PTPRK: variants seen among roughly 807,000 people sequenced by gnomAD.
The protein encoded by PTPRK is receptor-type tyrosine-protein phosphatase kappa.
In PTPRK, 75 loss-of-function variants were observed where a neutral mutation model predicts 178.0. That is an observed-to-expected ratio of 0.42 (90% confidence interval 0.35 to 0.51). PTPRK has a LOEUF of 0.51. PTPRK is among the 20% of genes least tolerant of loss of function. The probability of loss-of-function intolerance (pLI) is 0.02; values close to 1 mark genes in which losing one functional copy is unlikely to be tolerated. For missense variants in PTPRK, 1,441 were observed against 1,797.8 expected, an observed-to-expected ratio of 0.80 and a Z score of 3.59; for synonymous variants, 637 against 620.6, an observed-to-expected ratio of 1.03 and a Z score of -0.39.
intron 15 of PTPRK, among the ~76,000 whole-genome samples, chr6:128,004,701 G>A (rs78781281): frequency 4.6e-5 from 7 of 151,696 alleles, no homozygotes; most frequent in African/African-American, 1.4e-4. Flanking sequence ...TCCTCTTATC[G>A]CAAAAGAGAC....
chr6:128,134,479 G>A (rs1262504890), intron 7 of PTPRK, among the ~76,000 whole-genome samples: 1 of 152,132 alleles, frequency 6.6e-6, no homozygotes, highest in Non-Finnish European at 1.5e-5. Flanking sequence ...ATATTAGACT[G>A]GGTGTGCAGT....
At chr6:128,165,547 G>T (rs950629135) in intron 7 of PTPRK, among the ~76,000 whole-genome samples, 1 of 150,688 alleles carries the variant, frequency 6.6e-6, no homozygotes, top group East Asian at 1.9e-4. Flanking sequence ...CCATGGCTTC[G>T]CATTATTCCT....
At chr6:128,043,256 T>C (rs2114843609) in intron 13 of PTPRK, among the ~76,000 whole-genome samples, 1 of 152,152 alleles carries the variant, frequency 6.6e-6, no homozygotes. Flanking sequence ...TATGATCATT[T>C]TAACTGATGA....
chr6:128,060,672 C>G (rs1780655065), intron 13 of PTPRK, among the ~76,000 whole-genome samples: 1 of 152,100 alleles, frequency 6.6e-6, no homozygotes, highest in South Asian at 2.1e-4. Flanking sequence ...CTGAAGAAAA[C>G]TCATTTGAAT....
At chr6:128,264,401 T>C (rs2128294639) in intron 3 of PTPRK, among the ~76,000 whole-genome samples, 1 of 152,304 alleles carries the variant, frequency 6.6e-6, no homozygotes, top group African/African-American at 2.4e-5. Context: ...CAAAAAACTG[T>C]ACAGTGCTTT....
rs931776321 is a variant in PTPRK, at chr6:127,969,050, G to A, written c.*1177C>T. The A allele has an allele frequency of 6.6e-6, 1 of 152,198 alleles. No individual in the cohort carries two copies. The highest frequency in any genetic ancestry group is 1.5e-5 in the Non-Finnish European group (1 of 68,046). The allele number at this position is 152,198 out of a possible 1,614,324, so 9.4% of individuals were successfully genotyped here. On this transcript the variant is annotated 3_prime_UTR_variant, in exon 30 of 30. Coordinates refer to ENST00000368226, the MANE Select transcript of PTPRK (RefSeq NM_002844.4). Reference sequence around the variant, plus strand: ...TTTATAGTCAGAACGCAAAGCTTGTGCATGTAAACATCAAGAGAAACATTT... The same window carrying A: ...TTTATAGTCAGAACGCAAAGCTTGTACATGTAAACATCAAGAGAAACATTT...
chr6:128,346,495 T>C (rs887753814), intron 2 of PTPRK, among the ~76,000 whole-genome samples: 7 of 152,126 alleles, frequency 4.6e-5, no homozygotes, highest in Non-Finnish European at 1.0e-4. Context: ...AAAGTCCCAA[T>C]CTAAAATATT....
chr6:128,026,312 C>T (rs981530601), intron 13 of PTPRK, among the ~76,000 whole-genome samples: 7 of 152,158 alleles, frequency 4.6e-5, no homozygotes, highest in African/African-American at 9.7e-5. Flanking sequence ...AAAACTTTCT[C>T]CTATTTGTAT....
intron 7 of PTPRK, among the ~76,000 whole-genome samples, chr6:128,180,643 G>A (rs1437202142): frequency 2.0e-5 from 3 of 152,012 alleles, no homozygotes; most frequent in Non-Finnish European, 2.9e-5. Context: ...GATATTTTCA[G>A]AAAAGGATAA....
intron 7 of PTPRK, among the ~76,000 whole-genome samples, chr6:128,109,558 C>T (rs944770735): frequency 4.6e-5 from 7 of 152,104 alleles, no homozygotes; most frequent in African/African-American, 1.7e-4. Flanking sequence ...TAATGTGAAT[C>T]TCTTTGTGCT....
intron 5 of PTPRK, among the ~76,000 whole-genome samples, chr6:128,223,723 C>T (rs1810810537): frequency 6.6e-6 from 1 of 152,100 alleles, no homozygotes; most frequent in African/African-American, 2.4e-5. Context: ...GCTTCTCTCT[C>T]TTATGAACTT....
chr6:128,336,284 A>G (rs926487784), intron 2 of PTPRK, among the ~76,000 whole-genome samples: 4 of 152,086 alleles, frequency 2.6e-5, no homozygotes, highest in African/African-American at 9.7e-5. Flanking sequence ...CTTAAGGCTC[A>G]ATGGGTAAAC....
At chr6:128,217,424 A>C (rs1000621367) in intron 6 of PTPRK, among the ~76,000 whole-genome samples, 1 of 152,158 alleles carries the variant, frequency 6.6e-6, no homozygotes, top group African/African-American at 2.4e-5. Flanking sequence ...CAATAATGGT[A>C]ATGCGAGGGA....
chr6:128,021,508 C>T (rs1773505586), intron 13 of PTPRK, among the ~76,000 whole-genome samples: 1 of 152,068 alleles, frequency 6.6e-6, no homozygotes, highest in Non-Finnish European at 1.5e-5. Context: ...TGGTGGTGGG[C>T]GCCTGTAGTC....
chr6:128,045,195 T>C (rs1411713829), intron 13 of PTPRK, among the ~76,000 whole-genome samples: 1 of 152,078 alleles, frequency 6.6e-6, no homozygotes, highest in East Asian at 1.9e-4. Context: ...GTATACATAC[T>C]TATATTACAC....
intron 2 of PTPRK, among the ~76,000 whole-genome samples, chr6:128,366,472 T>A (rs1044757317): frequency 6.6e-6 from 1 of 152,116 alleles, no homozygotes; most frequent in Admixed American, 6.6e-5. Context: ...AACAAAAACA[T>A]CTCCATTTAC....
At chr6:128,206,535 C>T (rs1014251821) in intron 6 of PTPRK, among the ~76,000 whole-genome samples, 11 of 151,638 alleles carry the variant, frequency 7.3e-5, no homozygotes, top group South Asian at 2.1e-4. Context: ...TGTTAAAACT[C>T]GCTGTAGATA....
At chr6:127,999,919 T>C (rs753366899) in intron 15 of PTPRK, 514 of 886,460 alleles carry the variant, frequency 5.8e-4, no homozygotes, top group Middle Eastern at 1.1e-3. Flanking sequence ...TGTTATTAGC[T>C]TAAAAAGAAA....
At chr6:128,184,310 G>T in intron 7 of PTPRK, 122 bp downstream of exon 7, 1 of 1,014,912 alleles carries the variant, frequency 9.9e-7, no homozygotes, top group Non-Finnish European at 1.4e-6. Flanking sequence ...TAATTCATTG[G>T]AACTCTTAAT....
Sources: allele counts gnomAD v4.1 joint callset (sites outside exome capture counted in the v4.1 genomes callset), GRCh38; gene constraint gnomAD v4.1.1; transcripts MANE v1.5; gene names NCBI Gene and HGNC (gene_info 2026-07-23, HGNC 2026-07-21).